EXOC6B: variants seen among roughly 807,000 people sequenced by gnomAD.
EXOC6B encodes SEC15 homolog B.
EXOC6B carries 54 observed loss-of-function variants against 113.5 expected under a neutral mutation model. The ratio of observed to expected loss-of-function variants is 0.48; its 90% CI spans 0.38 to 0.60. The LOEUF (loss-of-function observed/expected upper bound fraction) is 0.60. Ranked by LOEUF, EXOC6B falls within the 20% of genes least tolerant of loss-of-function variation. The pLI is 0.00. For synonymous variants in EXOC6B, 357 were observed against 339.0 expected (o/e 1.05, Z -0.58); for missense variants, 797 against 977.5 (o/e 0.82, Z 2.46).
At chr2:72,821,943 T>C (rs1488564180) in intron 1 of EXOC6B, among the ~76,000 whole-genome samples, 1 of 152,176 alleles carries the variant, frequency 6.6e-6, no homozygotes, top group Non-Finnish European at 1.5e-5. Flanking sequence ...AATGGGTAAA[T>C]TGTATGATAC....
intron 20 of EXOC6B, among the ~76,000 whole-genome samples, chr2:72,257,479 T>G (rs192704609): frequency 6.6e-6 from 1 of 152,328 alleles, no homozygotes; most frequent in East Asian, 1.9e-4. Flanking sequence ...AAGCCCAATC[T>G]TAGCAGAAGG....
chr2:72,660,730 T>C (rs1440906177), intron 6 of EXOC6B, among the ~76,000 whole-genome samples: 2 of 152,132 alleles, frequency 1.3e-5, no homozygotes, highest in African/African-American at 4.8e-5. Context: ...GGAGCAGCTA[T>C]TTAAAGACTC....
Position 72,179,377 on chromosome 2 carries a change from C to T in EXOC6B, c.2394G>A (p.Val798=). ...TGATGAGTCCTCGGAGCTGCTTGGCCACGGTGTCAATGAGTTTCTGCTTGT... is the reference window on the plus strand; with the variant it reads ...TGATGAGTCCTCGGAGCTGCTTGGCTACGGTGTCAATGAGTTTCTGCTTGT... ...ERDKQKLIDT[V]AKQLRGLISS... Residue 798 remains valine, a synonymous_variant, in exon 22 of 22, where the codon GTG becomes GTA. Coordinates refer to ENST00000272427, the MANE Select transcript of EXOC6B (RefSeq NM_015189.3). 3.1e-6 allele frequency: 5 copies of T among 1,613,506 alleles called. No homozygotes were observed. The highest frequency in any genetic ancestry group is 1.3e-5 in the African/African-American group (1 of 74,990).
intron 17 of EXOC6B, among the ~76,000 whole-genome samples, chr2:72,478,802 T>A (rs1176337492): frequency 6.6e-6 from 1 of 152,272 alleles, no homozygotes; most frequent in Non-Finnish European, 1.5e-5. Flanking sequence ...ATTCTTCTTT[T>A]GATAGACAAA....
intron 20 of EXOC6B, among the ~76,000 whole-genome samples, chr2:72,219,719 T>C (rs1329262065): frequency 6.6e-6 from 1 of 152,200 alleles, no homozygotes; most frequent in Non-Finnish European, 1.5e-5. Flanking sequence ...TCCCTAAATA[T>C]GAAATAATGA....
rs1702429018 is a variant in EXOC6B at position 72,538,555 on chromosome 2, C to T, written c.915+20898G>A. The stretch of plus-strand genomic sequence containing the variant: ...TCTTTGGTGTGTATCTTACACTTAA[C>T]AGCACATCTTGATTCAGAATATTCA... On this transcript the variant is annotated intron_variant, in intron 8 of 21. Coordinates refer to ENST00000272427, the MANE Select transcript of EXOC6B (RefSeq NM_015189.3). Among the ~76,000 whole-genome samples, 3 of 152,172 alleles carry T rather than the reference C, an allele frequency of 2.0e-5. No individual in the cohort carries two copies. In the South Asian group the frequency reaches 6.2e-4, roughly 32 times the overall value.
chr2:72,251,361 C>T (rs1683007986), intron 20 of EXOC6B, among the ~76,000 whole-genome samples: 1 of 152,198 alleles, frequency 6.6e-6, no homozygotes, highest in South Asian at 2.1e-4. Context: ...AATGCCTTAT[C>T]TGGAAGGAGT....
chr2:72,515,522 T>C (rs189355069), intron 8 of EXOC6B: 2 of 1,021,086 alleles, frequency 2.0e-6, no homozygotes, highest in Non-Finnish European at 1.2e-6. Flanking sequence ...AGAATAAAAA[T>C]GAATCATGAA....
At chr2:72,667,130 T>C (rs1252351861) in intron 6 of EXOC6B, among the ~76,000 whole-genome samples, 2 of 152,234 alleles carry the variant, frequency 1.3e-5, no homozygotes, top group East Asian at 1.9e-4. Flanking sequence ...CCCAAAGTGA[T>C]GGGATTACAG....
rs77445248 is a variant in EXOC6B, at chr2:72,391,907, C to T, written c.1981-12037G>A. Among the ~76,000 whole-genome samples the T allele has an allele frequency of 4.8e-3, 731 of 152,226 alleles. 9 individuals are homozygous for T. Among genetic ancestry groups the T allele is most frequent in the African/African-American group, 0.016 (679 of 41,538 alleles). ...CACTCTGTGTGTTTCAGTTTGGGTG[C>T]TTTCTACAGACCCATATCTGAGTTC... On this transcript the variant is annotated intron_variant, in intron 18 of 21. Transcript: ENST00000272427.
At chr2:72,689,350 C>A (rs1266720595) in intron 6 of EXOC6B, among the ~76,000 whole-genome samples, 3 of 152,140 alleles carry the variant, frequency 2.0e-5, no homozygotes, top group Non-Finnish European at 4.4e-5. Context: ...AGTGGTTAAA[C>A]CTCAGTCTCC....
At chr2:72,631,426 G>GTGTGTGTATATATATATA (rs1290760055) in intron 6 of EXOC6B, among the ~76,000 whole-genome samples, 2 of 28,164 alleles carry the variant, frequency 7.1e-5, no homozygotes, top group African/African-American at 2.3e-4. Context: ...GTGTGTGTGT[G>GTGTGTGTATATATATATA]TATATATATA....
At chr2:72,681,798 CA>C (rs1558913623) in intron 6 of EXOC6B, among the ~76,000 whole-genome samples, 1 of 151,806 alleles carries the variant, frequency 6.6e-6, no homozygotes. Flanking sequence ...TTCCCCTGAA[CA>C]CATATTCATG....
chr2:72,679,013 G>C (rs950966398), intron 6 of EXOC6B, among the ~76,000 whole-genome samples: 2 of 151,524 alleles, frequency 1.3e-5, no homozygotes, highest in African/African-American at 4.8e-5. Flanking sequence ...AAATCCTAAT[G>C]AAAGTTATGG....
intron 1 of EXOC6B, among the ~76,000 whole-genome samples, chr2:72,786,799 T>C (rs1028375353): frequency 6.6e-6 from 1 of 152,156 alleles, no homozygotes; most frequent in African/African-American, 2.4e-5. Context: ...ATTTCACACA[T>C]AGTAGACCAT....
intron 20 of EXOC6B, among the ~76,000 whole-genome samples, chr2:72,242,673 A>G (rs1350098491): frequency 6.6e-6 from 1 of 152,216 alleles, no homozygotes; most frequent in Non-Finnish European, 1.5e-5. Flanking sequence ...CTAAATGCCA[A>G]TTAAAAGACA....
intron 6 of EXOC6B, among the ~76,000 whole-genome samples, chr2:72,623,022 T>A (rs1671839246): frequency 6.6e-6 from 1 of 152,196 alleles, no homozygotes; most frequent in Admixed American, 6.5e-5. Context: ...AGAGAGGAGC[T>A]GCTGGGACAC....
intron 6 of EXOC6B, among the ~76,000 whole-genome samples, chr2:72,691,927 G>C (rs1030509652): frequency 6.6e-6 from 1 of 151,538 alleles, no homozygotes; most frequent in Non-Finnish European, 1.5e-5. Flanking sequence ...CAGGTGATCC[G>C]TCTGCCTCAG....
At chr2:72,578,681 C>A (rs1389434177) in intron 6 of EXOC6B, among the ~76,000 whole-genome samples, 1 of 151,924 alleles carries the variant, frequency 6.6e-6, no homozygotes, top group African/African-American at 2.4e-5. Flanking sequence ...GAGACCCTGA[C>A]CCCTGAATCT....
Sources: gnomAD v4.1 joint callset for allele counts (sites outside exome capture counted in the v4.1 genomes callset) on GRCh38, gnomAD v4.1.1 for gene constraint, MANE v1.5 for transcripts, NCBI Gene and HGNC (gene_info 2026-07-23, HGNC 2026-07-21) for gene names.